The following SPAG16 variants were observed in gnomAD, a reference collection of about 807,000 sequenced individuals.
SPAG16 encodes sperm-associated antigen 16 protein.
In SPAG16, 86 loss-of-function variants were observed where a neutral mutation model predicts 80.4. That is an observed-to-expected ratio of 1.07 (90% confidence interval 0.90 to 1.28). The LOEUF is 1.28. Ranked by LOEUF, SPAG16 falls within the 50% of genes most tolerant of loss-of-function variation. SPAG16 has a pLI of 0.00. For missense variants in SPAG16, 870 were observed against 765.3 expected (o/e 1.14, Z -1.61); for synonymous variants, 294 against 265.9 (o/e 1.11, Z -1.03).
intron 10 of SPAG16, among the ~76,000 whole-genome samples, chr2:213,635,274 A>G (rs917980857): frequency 6.6e-6 from 1 of 151,940 alleles, no homozygotes; most frequent in Non-Finnish European, 1.5e-5. Flanking sequence ...TGACCTTGTG[A>G]TCTGCCTGCC....
intron 11 of SPAG16, among the ~76,000 whole-genome samples, chr2:213,877,137 A>AAT (rs929051392): frequency 1.3e-5 from 2 of 152,136 alleles, no homozygotes; most frequent in Non-Finnish European, 2.9e-5. Context: ...TTCTGCTTAG[A>AAT]ATATACCCCA....
rs144728906 is a variant in SPAG16, at chr2:214,274,935, T to G, written c.1720+125669T>G. ...TGAATCCATCTGGTCCTAAACTTTTTTTGGTTGGTAGGCTATTAATTATTG... is the reference window on the plus strand; with the variant it reads ...TGAATCCATCTGGTCCTAAACTTTTGTTGGTTGGTAGGCTATTAATTATTG... On this transcript the variant is annotated intron_variant, in intron 15 of 15. Coordinates refer to ENST00000331683, the MANE Select transcript of SPAG16 (RefSeq NM_024532.5). Among the ~76,000 whole-genome samples the G allele has an allele frequency of 5.5e-3, 837 of 152,296 alleles. 6 individuals are homozygous for G. The highest frequency in any genetic ancestry group is 9.5e-3 in the Non-Finnish European group (644 of 68,028).
rs183259100 is a variant in SPAG16 at position 213,322,286 on chromosome 2, C to T, written c.536+4930C>T. On this transcript the variant is annotated intron_variant, in intron 5 of 15. Transcript: ENST00000331683. ...AAAACCTTTTTGCTTGATCTTCTTG[C>T]CTGTTTTCACTAGCATTTTATGTCT... 4.0e-4 allele frequency among the ~76,000 whole-genome samples: 52 copies of T among 130,448 alleles called. No homozygotes were observed. The Admixed American group carries it at 4.1e-3, about 10-fold the overall frequency. 85.6% of individuals were successfully genotyped at this position (130,448 alleles called of 152,430 possible). A position where few individuals can be genotyped will look rare whatever the true frequency, so the allele number is the denominator to read the frequency against.
intron 7 of SPAG16, among the ~76,000 whole-genome samples, chr2:213,358,508 A>T (rs1355512508): frequency 1.3e-5 from 2 of 152,150 alleles, no homozygotes; most frequent in African/African-American, 4.8e-5. Flanking sequence ...CATTAAGTCG[A>T]TCTTCAATCA....
intron 15 of SPAG16, among the ~76,000 whole-genome samples, chr2:214,318,118 A>T (rs1695819800): frequency 6.6e-6 from 1 of 152,176 alleles, no homozygotes; most frequent in Non-Finnish European, 1.5e-5. Context: ...TCAGCATCTA[A>T]CAAGTTACTA....
intron 13 of SPAG16, among the ~76,000 whole-genome samples, chr2:214,064,700 A>T (rs2050450189): frequency 6.6e-6 from 1 of 152,110 alleles, no homozygotes; most frequent in South Asian, 2.1e-4. Flanking sequence ...ATTGGTTTGA[A>T]TTAGTTTTAA....
chr2:213,863,185 C>T (rs187817475), intron 11 of SPAG16, among the ~76,000 whole-genome samples: 4 of 151,896 alleles, frequency 2.6e-5, no homozygotes, highest in Non-Finnish European at 4.4e-5. Context: ...TTCTTAAAGA[C>T]ACAGATGGAA....
intron 15 of SPAG16, among the ~76,000 whole-genome samples, chr2:214,258,487 A>ATATATATATATATATATATATATATATG (rs1559161026): frequency 6.8e-6 from 1 of 147,132 alleles, no homozygotes; most frequent in African/African-American, 2.6e-5. Flanking sequence ...ATATATATAT[A>ATATATATATATATATATATATATATATG]TATACACACA....
At chr2:214,322,866 T>G (rs1043091136) in intron 15 of SPAG16, among the ~76,000 whole-genome samples, 1 of 152,198 alleles carries the variant, frequency 6.6e-6, no homozygotes, top group Non-Finnish European at 1.5e-5. Flanking sequence ...CTGGTGGCAC[T>G]GACTGATCCT....
At chr2:213,899,237 G>A (rs1211335755) in intron 11 of SPAG16, among the ~76,000 whole-genome samples, 1 of 152,050 alleles carries the variant, frequency 6.6e-6, no homozygotes, top group Non-Finnish European at 1.5e-5. Flanking sequence ...GATGAACGGA[G>A]TGTCTTTGTA....
intron 10 of SPAG16, among the ~76,000 whole-genome samples, chr2:213,497,419 A>ATCATCTTCC (rs1455711065): frequency 1.4e-5 from 2 of 148,136 alleles, no homozygotes; most frequent in Non-Finnish European, 3.0e-5. Flanking sequence ...CTGAGCAACT[A>ATCATCTTCC]TCATCTTCCA....
chr2:213,967,465 A>G (rs1357196680), intron 12 of SPAG16, among the ~76,000 whole-genome samples: 1 of 152,194 alleles, frequency 6.6e-6, no homozygotes, highest in African/African-American at 2.4e-5. Flanking sequence ...TGAAATATCT[A>G]AAAAGATTTT....
At chr2:213,884,644 C>G (rs962175630) in intron 11 of SPAG16, among the ~76,000 whole-genome samples, 30 of 152,136 alleles carry the variant, frequency 2.0e-4, no homozygotes, top group Non-Finnish European at 2.9e-5. Context: ...GAGTTATAGA[C>G]TCTGTCTCAT....
intron 7 of SPAG16, among the ~76,000 whole-genome samples, chr2:213,361,193 A>G (rs2065957580): frequency 1.3e-5 from 2 of 152,092 alleles, no homozygotes; most frequent in Non-Finnish European, 2.9e-5. Flanking sequence ...TGAAAAACCT[A>G]TAACTTTGTT....
chr2:213,758,472 A>G (rs1472653926), intron 10 of SPAG16, among the ~76,000 whole-genome samples: 1 of 152,076 alleles, frequency 6.6e-6, no homozygotes. Context: ...TGATATATGA[A>G]CAAAATGAAA....
At chr2:213,838,017 G>T (rs2074177817) in intron 10 of SPAG16, among the ~76,000 whole-genome samples, 1 of 152,038 alleles carries the variant, frequency 6.6e-6, no homozygotes, top group Non-Finnish European at 1.5e-5. Flanking sequence ...ATTTTGGGGT[G>T]GTATGTCCTG....
At chr2:213,794,386 A>G (rs1176589723) in intron 10 of SPAG16, among the ~76,000 whole-genome samples, 1 of 152,118 alleles carries the variant, frequency 6.6e-6, no homozygotes, top group Non-Finnish European at 1.5e-5. Context: ...GCCTAATTTC[A>G]TAAGTAGTAT....
intron 9 of SPAG16, among the ~76,000 whole-genome samples, chr2:213,474,723 C>T (rs2073277488): frequency 6.6e-6 from 1 of 152,140 alleles, no homozygotes; most frequent in Non-Finnish European, 1.5e-5. Flanking sequence ...TATTCTGTTC[C>T]TCTAGAACCA....
At chr2:213,508,290 C>A (rs1311632717) in intron 10 of SPAG16, among the ~76,000 whole-genome samples, 1 of 152,118 alleles carries the variant, frequency 6.6e-6, no homozygotes, top group Admixed American at 6.5e-5. Context: ...ATGATGAGTT[C>A]GGCTGGGCGC....
Sources: gnomAD v4.1 joint callset for allele counts (sites outside exome capture counted in the v4.1 genomes callset) on GRCh38, gnomAD v4.1.1 for gene constraint, MANE v1.5 for transcripts, NCBI Gene and HGNC (gene_info 2026-07-23, HGNC 2026-07-21) for gene names.